SCHIP1: variants seen among roughly 807,000 people sequenced by gnomAD.
SCHIP1 encodes schwannomin-interacting protein 1.
SCHIP1 carries 8 observed loss-of-function variants against 29.7 expected under a neutral mutation model. That is an observed-to-expected ratio of 0.27 (90% confidence interval 0.16 to 0.49). The LOEUF (loss-of-function observed/expected upper bound fraction) is 0.49. Ranked by LOEUF, SCHIP1 falls within the 20% of genes least tolerant of loss-of-function variation. The pLI, the probability that SCHIP1 is intolerant of heterozygous loss-of-function variation, is 0.99. For synonymous variants in SCHIP1, 76 were observed against 94.9 expected, an observed-to-expected ratio of 0.80 and a Z score of 1.16; for missense variants, 193 against 294.6, an observed-to-expected ratio of 0.66 and a Z score of 2.52.
Position 159,888,969 on chromosome 3 carries a change from A to C in SCHIP1, c.589+26A>C, listed in dbSNP as rs1421390404. The C allele has an allele frequency of 5.0e-6, 8 of 1,610,878 alleles. No individual in the cohort carries two copies. In the Admixed American group the frequency reaches 1.2e-4, roughly 24 times the overall value. On this transcript the variant is annotated intron_variant, in intron 5 of 6. Transcript: ENST00000445224. Reference sequence around the variant, plus strand: ...GTAAGTGTAAGATATGCTTGAAAATAGGATATTCAATGTAAAACATTATGG... The same window carrying C: ...GTAAGTGTAAGATATGCTTGAAAATCGGATATTCAATGTAAAACATTATGG...
the SCHIP1 span, among the ~76,000 whole-genome samples, chr3:159,533,246 G>C: frequency 6.6e-6 from 1 of 152,282 alleles, no homozygotes; most frequent in East Asian, 1.9e-4. Context: ...TCAAGGCAAG[G>C]GGTTGGGGAA....
the SCHIP1 span, among the ~76,000 whole-genome samples, chr3:159,460,472 G>A: frequency 5.9e-5 from 9 of 152,184 alleles, no homozygotes; most frequent in African/African-American, 1.4e-4. Context: ...GGGTCTTGGA[G>A]AATAAGTAGG....
At chr3:159,530,624 C>A in the SCHIP1 span, among the ~76,000 whole-genome samples, 4 of 152,280 alleles carry the variant, frequency 2.6e-5, no homozygotes, top group East Asian at 7.7e-4. Context: ...TCACTTTGAC[C>A]TTCGCTCTAC....
At chr3:159,798,786 A>G in the SCHIP1 span, among the ~76,000 whole-genome samples, 2 of 151,644 alleles carry the variant, frequency 1.3e-5, no homozygotes, top group Non-Finnish European at 2.9e-5. Context: ...AACAACAACA[A>G]CAACCAAAAA....
At chr3:159,320,456 G>C in the SCHIP1 span, among the ~76,000 whole-genome samples, 1 of 152,070 alleles carries the variant, frequency 6.6e-6, no homozygotes, top group Non-Finnish European at 1.5e-5. Context: ...CCTGGTCTAT[G>C]GTATTTCGTT....
At chr3:159,649,536 T>C in the SCHIP1 span, among the ~76,000 whole-genome samples, 1 of 151,604 alleles carries the variant, frequency 6.6e-6, no homozygotes, top group Non-Finnish European at 1.5e-5. Flanking sequence ...AGAAATAATG[T>C]CCATCAAAAA....
At chr3:159,401,471 AT>A in the SCHIP1 span, 1 of 519,810 alleles carries the variant, frequency 1.9e-6, no homozygotes, top group Non-Finnish European at 2.5e-6. Flanking sequence ...CACAGGCATA[AT>A]TTTATTTTAC....
At chr3:159,593,586 C>T in the SCHIP1 span, among the ~76,000 whole-genome samples, 1 of 152,138 alleles carries the variant, frequency 6.6e-6, no homozygotes, top group African/African-American at 2.4e-5. Context: ...GATGAGAAGT[C>T]CTCAAGAGGC....
At chr3:159,720,353 G>A in the SCHIP1 span, among the ~76,000 whole-genome samples, 1 of 151,872 alleles carries the variant, frequency 6.6e-6, no homozygotes, top group South Asian at 2.1e-4. Context: ...CCTGCACATT[G>A]TGCACATGCA....
At chr3:159,780,187 A>G in the SCHIP1 span, among the ~76,000 whole-genome samples, 1 of 152,128 alleles carries the variant, frequency 6.6e-6, no homozygotes, top group Non-Finnish European at 1.5e-5. Flanking sequence ...TTATGTCTAG[A>G]GCATTTGCAG....
the SCHIP1 span, among the ~76,000 whole-genome samples, chr3:159,833,069 G>C: frequency 7.9e-5 from 12 of 152,166 alleles, no homozygotes; most frequent in Non-Finnish European, 1.8e-4. Flanking sequence ...CATCCGCTAG[G>C]GGTCTTGGAA....
At chr3:159,395,228 T>G in the SCHIP1 span, among the ~76,000 whole-genome samples, 21 of 152,194 alleles carry the variant, frequency 1.4e-4, no homozygotes, top group African/African-American at 4.8e-4. Context: ...TTATTAGTCT[T>G]GCTAGCGGTC....
At chr3:159,481,238 C>T in the SCHIP1 span, among the ~76,000 whole-genome samples, 2 of 152,094 alleles carry the variant, frequency 1.3e-5, no homozygotes, top group South Asian at 2.1e-4. Context: ...GAGATGTGGA[C>T]CCAGCCAATT....
the SCHIP1 span, among the ~76,000 whole-genome samples, chr3:159,679,228 G>A: frequency 1.3e-5 from 2 of 151,488 alleles, no homozygotes; most frequent in African/African-American, 4.8e-5. Context: ...GTTGTCAAAC[G>A]TGTTATGAAG....
chr3:159,382,735 T>A, the SCHIP1 span, among the ~76,000 whole-genome samples: 1 of 152,094 alleles, frequency 6.6e-6, no homozygotes, highest in Non-Finnish European at 1.5e-5. Flanking sequence ...AGTGTAAAAG[T>A]GTTCCTATTT....
chr3:159,438,669 G>A, the SCHIP1 span, among the ~76,000 whole-genome samples: 2 of 152,098 alleles, frequency 1.3e-5, no homozygotes, highest in East Asian at 3.9e-4. Flanking sequence ...ATACCCCAGT[G>A]TGTGTTGTTT....
chr3:159,462,621 T>G, the SCHIP1 span, among the ~76,000 whole-genome samples: 1 of 152,180 alleles, frequency 6.6e-6, no homozygotes, highest in Admixed American at 6.5e-5. Context: ...CTGATCATGT[T>G]ATTTCCTTGT....
the SCHIP1 span, among the ~76,000 whole-genome samples, chr3:159,402,804 A>T: frequency 6.6e-6 from 1 of 152,098 alleles, no homozygotes; most frequent in African/African-American, 2.4e-5. Context: ...GCAGGGAGGG[A>T]TAGCATTAGG....
At chr3:159,325,317 A>T in the SCHIP1 span, among the ~76,000 whole-genome samples, 1 of 152,164 alleles carries the variant, frequency 6.6e-6, no homozygotes. Flanking sequence ...CTCCAGTTTG[A>T]TAGTTGAAGC....
Sources: allele counts gnomAD v4.1 joint callset (sites outside exome capture counted in the v4.1 genomes callset), GRCh38; gene constraint gnomAD v4.1.1; transcripts MANE v1.5; gene names NCBI Gene and HGNC (gene_info 2026-07-23, HGNC 2026-07-21).